TDRP: variants seen among roughly 807,000 people sequenced by gnomAD.
TDRP encodes testis development-related protein.
In TDRP, 12 loss-of-function variants were observed where a neutral mutation model predicts 10.5. The ratio of observed to expected loss-of-function variants is 1.15; its 90% CI spans 0.73 to 1.86. The LOEUF is 1.86. TDRP is among the 40% of genes most tolerant of loss of function. TDRP has a pLI of 0.00. For synonymous variants in TDRP, 139 were observed against 95.4 expected, an observed-to-expected ratio of 1.46 and a Z score of -2.67; for missense variants, 353 against 229.2, an observed-to-expected ratio of 1.54 and a Z score of -3.49.
chr8:499,563 C>A (rs1801228484), intron 1 of TDRP, among the ~76,000 whole-genome samples: 1 of 152,220 alleles, frequency 6.6e-6, no homozygotes, highest in African/African-American at 2.4e-5. Flanking sequence ...TCCCTCTCTA[C>A]TGCCAGGTGA....
intron 1 of TDRP, among the ~76,000 whole-genome samples, chr8:541,516 G>A (rs550743637): frequency 1.3e-5 from 2 of 152,256 alleles, no homozygotes; most frequent in African/African-American, 2.4e-5. Flanking sequence ...TACATATAAA[G>A]AACTAGTATC....
chr8:526,472 A>G (rs6983658), intron 1 of TDRP, among the ~76,000 whole-genome samples: 82,117 of 152,048 alleles, frequency 0.54, 22,940 homozygotes, highest in Admixed American at 0.63. Context: ...CGAAATTATC[A>G]TATGGGTTTT....
At chr8:507,187 T>C (rs1801490701) in intron 1 of TDRP, among the ~76,000 whole-genome samples, 1 of 152,036 alleles carries the variant, frequency 6.6e-6, no homozygotes, top group Non-Finnish European at 1.5e-5. Flanking sequence ...GAGAACAGTG[T>C]AGGGGAGACT....
intron 1 of TDRP, among the ~76,000 whole-genome samples, chr8:516,521 C>G (rs1801760554): frequency 6.6e-6 from 1 of 152,186 alleles, no homozygotes; most frequent in Non-Finnish European, 1.5e-5. Flanking sequence ...TCCACAACAT[C>G]TGTCATCAGG....
intron 1 of TDRP, among the ~76,000 whole-genome samples, chr8:518,178 G>A (rs1443592734): frequency 6.6e-6 from 1 of 152,200 alleles, no homozygotes; most frequent in Non-Finnish European, 1.5e-5. Flanking sequence ...GCTCTGGAGA[G>A]GGATGTTGGT....
At chr8:500,886 G>A (rs1452580514) in intron 1 of TDRP, among the ~76,000 whole-genome samples, 1 of 152,212 alleles carries the variant, frequency 6.6e-6, no homozygotes, top group Non-Finnish European at 1.5e-5. Flanking sequence ...TACCTGTGAA[G>A]GACAGAATCC....
chr8:516,221 C>T (rs899203407), intron 1 of TDRP, among the ~76,000 whole-genome samples: 4 of 152,112 alleles, frequency 2.6e-5, no homozygotes, highest in African/African-American at 7.2e-5. Flanking sequence ...CTAACCTATT[C>T]CCTTGTCATA....
At chr8:524,905 G>A (rs1331483184) in intron 1 of TDRP, among the ~76,000 whole-genome samples, 3 of 152,138 alleles carry the variant, frequency 2.0e-5, no homozygotes, top group Non-Finnish European at 4.4e-5. Flanking sequence ...TATTCAAAGG[G>A]AGAGTAACAG....
intron 1 of TDRP, chr8:494,966 G>A (rs113909469): frequency 9.6e-5 from 16 of 166,494 alleles, no homozygotes; most frequent in African/African-American, 2.4e-4. Flanking sequence ...GCATGGTGGC[G>A]CATACCTGAA....
chr8:498,026 G>C (rs925700184), intron 1 of TDRP, among the ~76,000 whole-genome samples: 1 of 152,294 alleles, frequency 6.6e-6, no homozygotes, highest in East Asian at 1.9e-4. Flanking sequence ...GGACATCCAA[G>C]CAGAAATCTG....
At chr8:528,037 A>G (rs1283456622) in intron 1 of TDRP, among the ~76,000 whole-genome samples, 1 of 152,206 alleles carries the variant, frequency 6.6e-6, no homozygotes, top group Admixed American at 6.5e-5. Context: ...ATCAGAATAT[A>G]AAAGGTGCTC....
At chr8:496,918 G>A (rs1225112875) in intron 1 of TDRP, among the ~76,000 whole-genome samples, 6 of 152,278 alleles carry the variant, frequency 3.9e-5, no homozygotes, top group Admixed American at 1.3e-4. Context: ...TAGCTTTGCT[G>A]CCACATAAGA....
intron 1 of TDRP, among the ~76,000 whole-genome samples, chr8:533,194 G>T (rs989364768): frequency 6.6e-6 from 1 of 152,070 alleles, no homozygotes; most frequent in African/African-American, 2.4e-5. Flanking sequence ...GTACATTTTT[G>T]ACAGTGTCAC....
At chr8:498,832 G>C (rs932561304) in intron 1 of TDRP, among the ~76,000 whole-genome samples, 1 of 152,110 alleles carries the variant, frequency 6.6e-6, no homozygotes, top group African/African-American at 2.4e-5. Context: ...CTGTTCTTGT[G>C]ATAGTGAGTT....
chr8:492,524 T>TGG lies in TDRP; in HGVS notation c.431_432dup (p.Lys145ProfsTer24), dbSNP rs1343301282. The stretch of plus-strand genomic sequence containing the variant: ...GCAGAGCTGGCCAGGCTGGTGTACT[T>TGG]GGTCGAGCCCTTGGCGTCATCCTCC... On this transcript the variant is annotated frameshift_variant, in exon 3 of 3. Transcript: ENST00000324079. LOFTEE classifies it low-confidence loss of function (END_TRUNC). The TGG allele has an allele frequency of 1.2e-6, 2 of 1,610,782 alleles. No individual in the cohort carries two copies. The highest frequency in any genetic ancestry group is 1.7e-6 in the Non-Finnish European group (2 of 1,178,278).
chr8:494,348 C>G, intron 2 of TDRP, 146 bp downstream of exon 2: 1 of 662,358 alleles, frequency 1.5e-6, no homozygotes, highest in Non-Finnish European at 2.6e-6. Flanking sequence ...CAGGGACAGA[C>G]GGAGTGGGGA....
intron 1 of TDRP, among the ~76,000 whole-genome samples, chr8:537,596 G>C (rs539991933): frequency 2.0e-5 from 3 of 152,260 alleles, no homozygotes; most frequent in African/African-American, 7.2e-5. Flanking sequence ...ACTGGCCATG[G>C]GGACTACGAG....
At chr8:498,836 G>A (rs555058526) in intron 1 of TDRP, among the ~76,000 whole-genome samples, 1 of 152,116 alleles carries the variant, frequency 6.6e-6, no homozygotes, top group Non-Finnish European at 1.5e-5. Context: ...TCTTGTGATA[G>A]TGAGTTCTCA....
At chr8:532,681 T>C (rs1802238724) in intron 1 of TDRP, among the ~76,000 whole-genome samples, 1 of 152,244 alleles carries the variant, frequency 6.6e-6, no homozygotes, top group Non-Finnish European at 1.5e-5. Context: ...GCATTAAGAC[T>C]TCCTATTTTT....
Sources: allele counts gnomAD v4.1 joint callset (sites outside exome capture counted in the v4.1 genomes callset), GRCh38; gene constraint gnomAD v4.1.1; transcripts MANE v1.5; gene names NCBI Gene and HGNC (gene_info 2026-07-23, HGNC 2026-07-21).